Variants in DPP4 observed in about 807,000 individuals in gnomAD.
DPP4 encodes the protein dipeptidyl peptidase 4, also known as ADCP-2.
In DPP4, 93 loss-of-function variants were observed where a neutral mutation model predicts 122.4. The ratio of observed to expected loss-of-function variants is 0.76; its 90% CI spans 0.64 to 0.90. The LOEUF (loss-of-function observed/expected upper bound fraction) is 0.90. Ranked by LOEUF, DPP4 falls within the 40% of genes least tolerant of loss-of-function variation. The pLI is 0.00. For synonymous variants in DPP4, 321 were observed against 302.9 expected (o/e 1.06, Z -0.62); for missense variants, 914 against 907.3 (o/e 1.01, Z -0.09).
chr2:162,035,583 T>A (rs940764406), intron 8 of DPP4, among the ~76,000 whole-genome samples: 5 of 152,228 alleles, frequency 3.3e-5, no homozygotes, highest in African/African-American at 1.2e-4. Context: ...ATATAAGCTC[T>A]ACATTTTTTT....
chr2:162,039,179 C>A lies in DPP4; in HGVS notation c.372G>T (p.Trp124Cys), dbSNP rs1683899361. The A allele has an allele frequency of 6.2e-7, 1 of 1,612,394 alleles. No individual in the cohort carries two copies. Among genetic ancestry groups the A allele is most frequent in the African/African-American group, 1.3e-5 (1 of 74,966 alleles). ...ILLEYNYVKQ[W>C]RHSYTASYDI... ...CATATGAAGCTGTGTAGGAATGCCT[C>A]CATTGCTATGAAAGAAAACAGACAT... Residue 124 changes from tryptophan to cysteine, a missense_variant, in exon 6 of 26, where the codon TGG (tryptophan) becomes TGT (cysteine). By Grantham distance (215) the Trp-to-Cys change is radical (BLOSUM62 -2). Transcript: ENST00000360534.
At position 162,073,475 on chromosome 2, in the gene DPP4, C is replaced by A; in HGVS notation, c.18G>T (p.Lys6Asn). The change falls in exon 2 of 26, where the codon AAG becomes AAT. Residue 6 changes from lysine (K) to asparagine (N), a missense_variant. Physicochemically the swap from Lys to Asn is moderately conservative, Grantham distance 94. Transcript: ENST00000360534. MKTPW[K>N]VLLGLLGAAA... ...CAGCACCCAGCAGTCCCAGAAGAACCTTCCACGGTGTCTGCAAGCCGAGCA... is the reference window on the plus strand; with the variant it reads ...CAGCACCCAGCAGTCCCAGAAGAACATTCCACGGTGTCTGCAAGCCGAGCA... 2 of 1,613,964 alleles carry A rather than the reference C, an allele frequency of 1.2e-6. No homozygotes were observed. The highest frequency in any genetic ancestry group is 1.1e-5 in the South Asian group (1 of 91,060).
chr2:162,024,941 T>TGGAA lies in DPP4; in HGVS notation c.888-6_888-3dup. 1.2e-6 allele frequency: 2 copies of TGGAA among 1,612,560 alleles called. No homozygotes were observed. Among genetic ancestry groups the TGGAA allele is most frequent in the Non-Finnish European group, 1.7e-6 (2 of 1,179,872 alleles). The stretch of plus-strand genomic sequence containing the variant: ...GTCACATCACACAAGTAGTGATCCC[T>TGGAA]GGAAGGAAGAAAGAAAGGAAGGACA... On this transcript the variant is annotated splice_polypyrimidine_tract_variant and splice_region_variant and intron_variant, in intron 10 of 25. Transcript: ENST00000360534.
chr2:162,065,488 C>T (rs1424997637), intron 2 of DPP4, among the ~76,000 whole-genome samples: 1 of 152,180 alleles, frequency 6.6e-6, no homozygotes, highest in African/African-American at 2.4e-5. Context: ...TCTGCACTTC[C>T]AATTATAAAA....
At chr2:162,054,716 T>G (rs1304742923) in intron 2 of DPP4, among the ~76,000 whole-genome samples, 1 of 152,152 alleles carries the variant, frequency 6.6e-6, no homozygotes, top group Non-Finnish European at 1.5e-5. Flanking sequence ...GCCAATGCCT[T>G]GATATTAAAC....
chr2:162,033,553 G>A lies in DPP4; in HGVS notation c.875C>T (p.Ser292Phe), dbSNP rs1450132437. Residue 292 changes from serine (S) to phenylalanine (F), a missense_variant, in exon 10 of 26, where the codon TCT (serine) becomes TTT (phenylalanine). Ser to Phe is a radical substitution (Grantham distance 155, BLOSUM62 -2). Coordinates refer to ENST00000360534, the MANE Select transcript of DPP4 (RefSeq NM_001935.4). ...ACAAGAGTCTTACCCTATCAACATAGAAGCAGGAGCAGTGATTTGTATGGA... is the reference window on the plus strand; with the variant it reads ...ACAAGAGTCTTACCCTATCAACATAAAAGCAGGAGCAGTGATTTGTATGGA... ...ATSIQITAPA[S>F]MLIGDHYLCD... 4 of 1,611,842 alleles carry A rather than the reference G, an allele frequency of 2.5e-6. No individual in the cohort carries two copies. Among genetic ancestry groups the A allele is most frequent in the Non-Finnish European group, 3.4e-6 (4 of 1,178,678 alleles).
At chr2:162,058,105 G>A (rs965477028) in intron 2 of DPP4, among the ~76,000 whole-genome samples, 1 of 151,984 alleles carries the variant, frequency 6.6e-6, no homozygotes, top group Non-Finnish European at 1.5e-5. Context: ...GAGCCACCAC[G>A]CCTGGCCTCT....
intron 2 of DPP4, among the ~76,000 whole-genome samples, chr2:162,049,804 T>C (rs2106138705): frequency 6.6e-6 from 1 of 152,328 alleles, no homozygotes; most frequent in Non-Finnish European, 1.5e-5. Flanking sequence ...TCTTCAGATC[T>C]TATCTGATAA....
At chr2:162,010,409 C>A (rs1682648216) in intron 20 of DPP4, among the ~76,000 whole-genome samples, 1 of 152,180 alleles carries the variant, frequency 6.6e-6, no homozygotes, top group Non-Finnish European at 1.5e-5. Context: ...TTGCATCTTG[C>A]AGGATGTACA....
intron 8 of DPP4, among the ~76,000 whole-genome samples, chr2:162,037,158 T>C (rs1559717508): frequency 6.6e-6 from 1 of 152,202 alleles, no homozygotes; most frequent in Non-Finnish European, 1.5e-5. Flanking sequence ...CTGTTCTGCA[T>C]GTGAATGGCC....
chr2:162,019,690 T>G (rs1683051667), intron 14 of DPP4, among the ~76,000 whole-genome samples: 1 of 151,862 alleles, frequency 6.6e-6, no homozygotes, highest in Non-Finnish European at 1.5e-5. Context: ...GCAGAGCCAC[T>G]GCTAAAGAGG....
intron 2 of DPP4, among the ~76,000 whole-genome samples, chr2:162,060,693 TG>T (rs1192067041): frequency 6.6e-6 from 1 of 152,200 alleles, no homozygotes; most frequent in African/African-American, 2.4e-5. Context: ...ATCAGTTCTG[TG>T]GTATCTGTCC....
intron 2 of DPP4, among the ~76,000 whole-genome samples, chr2:162,056,225 G>C (rs1684570285): frequency 6.6e-6 from 1 of 152,080 alleles, no homozygotes; most frequent in Admixed American, 6.5e-5. Context: ...TGTTCACTGT[G>C]TGCCTCCCTT....
intron 2 of DPP4, among the ~76,000 whole-genome samples, chr2:162,054,850 CAT>C (rs1252431422): frequency 3.9e-5 from 6 of 152,268 alleles, no homozygotes; most frequent in African/African-American, 1.4e-4. Context: ...AAATCTATAA[CAT>C]GAGACTAATA....
chr2:162,038,976 G>A lies in DPP4; in HGVS notation c.465C>T (p.Val155=), dbSNP rs1683888999. ...ATTTATGACCCACTGGTGACCATGTGACCCACTGTGTGTTGTTTGGAATCC... is the reference window on the plus strand; with the variant it reads ...ATTTATGACCCACTGGTGACCATGTAACCCACTGTGTGTTGTTTGGAATCC... ...EERIPNNTQW[V]TWSPVGHKLA... Residue 155 remains valine (V), a synonymous_variant, in exon 7 of 26, where the codon GTC becomes GTT. Coordinates refer to ENST00000360534, the MANE Select transcript of DPP4 (RefSeq NM_001935.4). 5.6e-6 allele frequency: 9 copies of A among 1,613,414 alleles called. No homozygotes were observed. Among genetic ancestry groups the A allele is most frequent in the Non-Finnish European group, 7.6e-6 (9 of 1,179,504 alleles).
intron 11 of DPP4, 131 bp downstream of exon 11, chr2:162,024,673 G>C (rs988739943): frequency 8.0e-7 from 1 of 1,256,044 alleles, no homozygotes; most frequent in African/African-American, 1.5e-5. Flanking sequence ...TATTGCCTCA[G>C]GATCAGACAG....
chr2:162,067,734 T>C (rs925397611), intron 2 of DPP4, among the ~76,000 whole-genome samples: 1 of 152,164 alleles, frequency 6.6e-6, no homozygotes, highest in East Asian at 1.9e-4. Context: ...CACACCCTCT[T>C]TTGGAGGTCA....
intron 2 of DPP4, among the ~76,000 whole-genome samples, chr2:162,049,561 A>T (rs1283198045): frequency 6.6e-6 from 1 of 152,092 alleles, no homozygotes; most frequent in Non-Finnish European, 1.5e-5. Flanking sequence ...CGATGGGTTG[A>T]TCTGTGTTGC....
At position 162,004,962 on chromosome 2, in the gene DPP4, A is replaced by T. The variant is rs568830367; in HGVS notation, c.2052+783T>A. On this transcript the variant is annotated intron_variant, in intron 23 of 25. Transcript: ENST00000360534. ...CTGTAAGTTTCAGGGTTTTAAAAAA[A>T]TTTTTTTCAACCTAACATGACAAAC... is the stretch of plus-strand genomic sequence containing the variant. Among the ~76,000 whole-genome samples the T allele has an allele frequency of 1.2e-4, 18 of 152,256 alleles. No homozygotes were observed. The South Asian group carries it at 2.9e-3, about 25-fold the overall frequency.
Sources: gnomAD v4.1 joint callset for allele counts (sites outside exome capture counted in the v4.1 genomes callset) on GRCh38, gnomAD v4.1.1 for gene constraint, MANE v1.5 for transcripts, NCBI Gene and HGNC (gene_info 2026-07-23, HGNC 2026-07-21) for gene names.